The following TMEM68 variants were observed in gnomAD, a reference collection of about 807,000 sequenced individuals.
TMEM68 encodes DGAT1/2-independent enzyme synthesizing storage lipids.
In TMEM68, 25 loss-of-function variants were observed where a neutral mutation model predicts 36.9. The ratio of observed to expected loss-of-function variants is 0.68; its 90% CI spans 0.49 to 0.95. TMEM68 has a LOEUF of 0.95. TMEM68 is among the 40% of genes least tolerant of loss of function. The pLI, the probability that TMEM68 is intolerant of heterozygous loss-of-function variation, is 0.00. For missense variants in TMEM68, 333 were observed against 392.0 expected (o/e 0.85, Z 1.27); for synonymous variants, 131 against 124.4 (o/e 1.05, Z -0.35).
intron 1 of TMEM68, among the ~76,000 whole-genome samples, chr8:55,771,611 T>A (rs1029298088): frequency 6.6e-6 from 1 of 152,236 alleles, no homozygotes; most frequent in Middle Eastern, 3.4e-3. Context: ...AGCAAGATCC[T>A]GTCTCAAAAA....
At position 55,739,116 on chromosome 8, in the gene TMEM68, A is replaced by AAAAAC. The variant is rs1355545149; in HGVS notation, c.*1011_*1015dup. On this transcript the variant is annotated 3_prime_UTR_variant, in exon 8 of 8. Coordinates refer to ENST00000434581, the MANE Select transcript of TMEM68 (RefSeq NM_001286657.2). The stretch of plus-strand genomic sequence containing the variant: ...ACATGGCAAAACCCCATCTCTAAAT[A>AAAAAC]AAAACAAAACAAAACATAAATAAAT... 1 of 152,660 alleles carries AAAAAC rather than the reference A, an allele frequency of 6.6e-6. No homozygotes were observed. The highest frequency in any genetic ancestry group is 6.5e-5 in the Admixed American group (1 of 15,288). 9.5% of individuals were successfully genotyped at this position (152,660 alleles called of 1,614,324 possible).
intron 7 of TMEM68, among the ~76,000 whole-genome samples, chr8:55,740,953 G>A (rs1038007495): frequency 1.3e-5 from 2 of 152,178 alleles, no homozygotes; most frequent in Non-Finnish European, 2.9e-5. Flanking sequence ...CGCCCCTTTG[G>A]CTGGGCGTGG....
chr8:55,759,774 T>C (rs1325312554), intron 3 of TMEM68, among the ~76,000 whole-genome samples: 4 of 152,328 alleles, frequency 2.6e-5, no homozygotes, highest in African/African-American at 9.6e-5. Flanking sequence ...AATTTCCTCA[T>C]TCTATTCATG....
Position 55,762,927 on chromosome 8 carries a change from T to C in TMEM68, c.33A>G (p.Gly11=), listed in dbSNP as rs370454259. MIDKNQTCGV[G]QDSVPYMICL... ...AAATCATATAGGGCACAGAATCCTGTCCTACACCACAGGTTTGATTTTTGT... is the reference window on the plus strand; with the variant it reads ...AAATCATATAGGGCACAGAATCCTGCCCTACACCACAGGTTTGATTTTTGT... The change falls in exon 3 of 8, where the codon GGA becomes GGG. Residue 11 remains glycine (G), a synonymous_variant. Transcript: ENST00000434581. 2 of 1,601,454 alleles carry C rather than the reference T, an allele frequency of 1.2e-6. No homozygotes were observed. The highest frequency in any genetic ancestry group is 1.7e-6 in the Non-Finnish European group (2 of 1,175,278).
intron 1 of TMEM68, among the ~76,000 whole-genome samples, chr8:55,764,768 TCCATATAAAAAGTCAAATCA>T (rs1319827986): frequency 6.6e-6 from 1 of 152,030 alleles, no homozygotes; most frequent in African/African-American, 2.4e-5. Flanking sequence ...ATCTAATCAA[TCCATATAAAAAGTCAAATCA>T]CCAGCTGGGC....
intron 4 of TMEM68, among the ~76,000 whole-genome samples, chr8:55,755,839 A>C (rs1297006801): frequency 2.6e-5 from 4 of 152,162 alleles, no homozygotes; most frequent in African/African-American, 7.2e-5. Flanking sequence ...CTAATTGAGA[A>C]TATTCAGACT....
chr8:55,759,257 CA>C (rs66513921), intron 3 of TMEM68, among the ~76,000 whole-genome samples: 43,472 of 121,602 alleles, frequency 0.36, 6,571 homozygotes, highest in Middle Eastern at 0.47. Context: ...CCTGTCTCTA[CA>C]AAAAAAAAAA....
Position 55,756,384 on chromosome 8 carries a change from A to AT in TMEM68, c.352dup (p.Ile118AsnfsTer26). On this transcript the variant is annotated frameshift_variant, in exon 4 of 8. Transcript: ENST00000434581. LOFTEE classifies it high-confidence loss of function. The stretch of plus-strand genomic sequence containing the variant: ...TATAAGTGCTGGTCCATCTTCTGGT[A>AT]TTTTTTCCATTCCATGAACTTCATA... The AT allele has an allele frequency of 6.3e-7, 1 of 1,583,860 alleles. No individual in the cohort carries two copies. Among genetic ancestry groups the AT allele is most frequent in the Non-Finnish European group, 8.5e-7 (1 of 1,170,860 alleles).
At chr8:55,768,415 C>T (rs538163015) in intron 1 of TMEM68, among the ~76,000 whole-genome samples, 1 of 152,228 alleles carries the variant, frequency 6.6e-6, no homozygotes, top group Non-Finnish European at 1.5e-5. Flanking sequence ...GCTGCTGCAG[C>T]TGTTGCTTTA....
At chr8:55,755,591 CTTT>C (rs10537043) in intron 4 of TMEM68, among the ~76,000 whole-genome samples, 143 of 148,536 alleles carry the variant, frequency 9.6e-4, no homozygotes, top group Non-Finnish European at 1.0e-3. Context: ...TATATCATGA[CTTT>C]TTTTTTTTTT....
intron 3 of TMEM68, among the ~76,000 whole-genome samples, chr8:55,759,269 A>AAG (rs1375617644): frequency 6.6e-6 from 1 of 151,696 alleles, no homozygotes; most frequent in African/African-American, 2.4e-5. Context: ...AAAAAAAAAA[A>AAG]AAAAAATTAA....
intron 4 of TMEM68, among the ~76,000 whole-genome samples, chr8:55,754,901 ATATAT>A (rs1259620283): frequency 1.5e-3 from 170 of 116,576 alleles, no homozygotes; most frequent in African/African-American, 5.9e-3. Context: ...TATAAAATAC[ATATAT>A]TATATATTAT....
intron 2 of TMEM68, among the ~76,000 whole-genome samples, 190 bp from the exon 3 acceptor site, chr8:55,763,218 T>C (rs1810857062): frequency 6.6e-6 from 1 of 152,196 alleles, no homozygotes; most frequent in Non-Finnish European, 1.5e-5. Context: ...GTATGTCGTG[T>C]TTAGCTTTTG....
At chr8:55,754,537 A>G (rs1208173663) in intron 4 of TMEM68, among the ~76,000 whole-genome samples, 1 of 138,376 alleles carries the variant, frequency 7.2e-6, no homozygotes, top group Non-Finnish European at 1.5e-5. Context: ...ACATATACTT[A>G]TATTATATAT....
Position 55,750,978 on chromosome 8 carries a change from T to C in TMEM68, c.673A>G (p.Ile225Val), listed in dbSNP as rs772631105. 1.1e-5 allele frequency: 17 copies of C among 1,606,966 alleles called. No individual in the cohort carries two copies. Among genetic ancestry groups the C allele is most frequent in the South Asian group, 7.8e-5 (7 of 89,570 alleles). ...ATATAACTCACCACTTTTGCATCAA[T>C]TGCAACCTGAGCAAAGCCTCTGCGA... ...GHRRGFAQVA[I>V]DAKVPIIPMF... The change falls in exon 5 of 8, where the codon ATT becomes GTT. Residue 225 changes from isoleucine (I) to valine (V), a missense_variant. Physicochemically the swap from Ile to Val is conservative, Grantham distance 29 (BLOSUM62 3). Coordinates refer to ENST00000434581, the MANE Select transcript of TMEM68 (RefSeq NM_001286657.2).
chr8:55,759,467 C>T (rs189216210), intron 3 of TMEM68, among the ~76,000 whole-genome samples: 3 of 151,776 alleles, frequency 2.0e-5, no homozygotes, highest in Admixed American at 1.3e-4. Context: ...GCTACTCGGG[C>T]GGCTCAGGCA....
chr8:55,740,512 G>C (rs1478775032), intron 7 of TMEM68, among the ~76,000 whole-genome samples: 1 of 151,778 alleles, frequency 6.6e-6, no homozygotes, highest in Non-Finnish European at 1.5e-5. Context: ...AATTATAGTT[G>C]TTGTCCACGT....
In TMEM68 at chr8:55,750,561, A is replaced by G. The variant is rs1162280302; in HGVS notation, c.687+403T>C. On this transcript the variant is annotated intron_variant, in intron 5 of 7. Transcript: ENST00000434581. ...CCAGTCTTTTTTTTTTTTTTTTCTG[A>G]GACAGTCTCACTCTGTCACCCAGGC... Among the ~76,000 whole-genome samples the G allele has an allele frequency of 2.1e-4, 20 of 96,716 alleles. No individual in the cohort carries two copies. In the Admixed American group the frequency reaches 2.5e-3, roughly 12 times the overall value. The allele number at this position is 96,716 out of a possible 152,430, so 63.4% of individuals were successfully genotyped here.
At chr8:55,741,915 A>T (rs1292572426) in intron 7 of TMEM68, among the ~76,000 whole-genome samples, 1 of 152,140 alleles carries the variant, frequency 6.6e-6, no homozygotes, top group Non-Finnish European at 1.5e-5. Flanking sequence ...AAAAAGTACA[A>T]ACTGGTGGGG....
Sources: allele counts gnomAD v4.1 joint callset (sites outside exome capture counted in the v4.1 genomes callset), GRCh38; gene constraint gnomAD v4.1.1; transcripts MANE v1.5; gene names NCBI Gene and HGNC (gene_info 2026-07-23, HGNC 2026-07-21).